Variants in LRRC4C observed in about 807,000 individuals in gnomAD.
The protein encoded by LRRC4C is leucine rich repeat containing 4C, also known as leucine-rich repeat-containing protein 4C.
Under a neutral mutation model 33.6 loss-of-function variants are expected in LRRC4C, and 5 were observed. The ratio of observed to expected loss-of-function variants is 0.15; its 90% CI spans 0.08 to 0.31. The LOEUF is 0.31. Ranked by LOEUF, LRRC4C falls within the 10% of genes least tolerant of loss-of-function variation. The probability of loss-of-function intolerance (pLI) is 1.00; values close to 1 mark genes in which losing one functional copy is unlikely to be tolerated. For missense variants in LRRC4C, 560 were observed against 796.7 expected (o/e 0.70, Z 3.58); for synonymous variants, 329 against 302.0 (o/e 1.09, Z -0.93).
chr11:41,387,087 T>A (rs1953389723), intron 1 of LRRC4C, among the ~76,000 whole-genome samples: 1 of 151,826 alleles, frequency 6.6e-6, no homozygotes, highest in African/African-American at 2.4e-5. Flanking sequence ...GTATAAAAGA[T>A]GTTATGACTA....
At chr11:41,231,526 A>G (rs1420499967) in intron 1 of LRRC4C, among the ~76,000 whole-genome samples, 4 of 149,178 alleles carry the variant, frequency 2.7e-5, no homozygotes, top group African/African-American at 9.9e-5. Flanking sequence ...ACAAAAAACC[A>G]AACACCGCAT....
chr11:40,502,071 T>C (rs1486275956), intron 3 of LRRC4C, among the ~76,000 whole-genome samples: 1 of 152,150 alleles, frequency 6.6e-6, no homozygotes, highest in East Asian at 1.9e-4. Context: ...ATGCTGCCAG[T>C]CTCCTTGCTA....
At chr11:41,326,851 C>T (rs1412187667) in intron 1 of LRRC4C, among the ~76,000 whole-genome samples, 2 of 152,180 alleles carry the variant, frequency 1.3e-5, no homozygotes, top group South Asian at 2.1e-4. Context: ...ATCTCAATAC[C>T]TATAACTCCC....
At chr11:41,111,313 T>C (rs764247098) in intron 1 of LRRC4C, among the ~76,000 whole-genome samples, 3 of 152,012 alleles carry the variant, frequency 2.0e-5, no homozygotes, top group Non-Finnish European at 2.9e-5. Context: ...ACCTGTCTCA[T>C]AAAGTTGTTG....
At chr11:41,387,731 G>A (rs1953417054) in intron 1 of LRRC4C, among the ~76,000 whole-genome samples, 1 of 151,682 alleles carries the variant, frequency 6.6e-6, no homozygotes. Flanking sequence ...CAATTTGCTA[G>A]ACAGTTTCCT....
intron 1 of LRRC4C, among the ~76,000 whole-genome samples, chr11:41,414,959 T>C (rs78244356): frequency 6.6e-6 from 1 of 152,218 alleles, no homozygotes; most frequent in East Asian, 1.9e-4. Flanking sequence ...AACACTAATA[T>C]AGCACCTTTC....
At chr11:40,359,983 A>G (rs1947874033) in intron 3 of LRRC4C, among the ~76,000 whole-genome samples, 1 of 152,172 alleles carries the variant, frequency 6.6e-6, no homozygotes, top group African/African-American at 2.4e-5. Context: ...TTAGAGTTTT[A>G]AAAACATTAA....
At chr11:41,327,121 T>A (rs1465672777) in intron 1 of LRRC4C, among the ~76,000 whole-genome samples, 1 of 152,222 alleles carries the variant, frequency 6.6e-6, no homozygotes, top group African/African-American at 2.4e-5. Context: ...GCTCATTAAA[T>A]CCCATTCTCT....
At chr11:41,403,010 C>A (rs570383080) in intron 1 of LRRC4C, among the ~76,000 whole-genome samples, 39 of 152,112 alleles carry the variant, frequency 2.6e-4, no homozygotes, top group African/African-American at 9.2e-4. Flanking sequence ...TCTTTTGCCC[C>A]TTAGTGTTCA....
intron 2 of LRRC4C, among the ~76,000 whole-genome samples, chr11:40,725,344 A>G (rs1947237574): frequency 6.6e-6 from 1 of 152,080 alleles, no homozygotes; most frequent in South Asian, 2.1e-4. Context: ...GTCTCTACTA[A>G]AAAATAAAAA....
chr11:41,209,969 TTC>T (rs140041665), intron 1 of LRRC4C, among the ~76,000 whole-genome samples: 4 of 151,498 alleles, frequency 2.6e-5, no homozygotes, highest in African/African-American at 4.8e-5. Context: ...ACACCAGATA[TTC>T]TCTCTCTCTC....
chr11:40,796,477 G>C (rs1300603910), intron 2 of LRRC4C, among the ~76,000 whole-genome samples: 1 of 152,084 alleles, frequency 6.6e-6, no homozygotes. Flanking sequence ...AAGACATAGA[G>C]TATTTGCTTG....
intron 3 of LRRC4C, among the ~76,000 whole-genome samples, chr11:40,453,983 A>G (rs1952018333): frequency 6.6e-6 from 1 of 152,172 alleles, no homozygotes; most frequent in Non-Finnish European, 1.5e-5. Flanking sequence ...AAAATAGTAT[A>G]GCTACAAACA....
chr11:41,402,887 T>G (rs1388766166), intron 1 of LRRC4C, among the ~76,000 whole-genome samples: 4 of 152,076 alleles, frequency 2.6e-5, no homozygotes, highest in Admixed American at 2.6e-4. Context: ...TACAGCATTT[T>G]AAATATGAAT....
chr11:40,880,879 A>ATATG (rs386373675), intron 2 of LRRC4C, among the ~76,000 whole-genome samples: 2 of 150,414 alleles, frequency 1.3e-5, no homozygotes, highest in East Asian at 2.0e-4. Flanking sequence ...ATATATATAT[A>ATATG]TATGTATACA....
At chr11:40,605,845 G>A (rs1960526624) in intron 3 of LRRC4C, among the ~76,000 whole-genome samples, 4 of 152,172 alleles carry the variant, frequency 2.6e-5, no homozygotes, top group Admixed American at 2.6e-4. Flanking sequence ...CCAACTCCCA[G>A]ATGCTTTCAT....
intron 2 of LRRC4C, among the ~76,000 whole-genome samples, chr11:40,686,346 A>C (rs1162603428): frequency 6.6e-6 from 1 of 152,148 alleles, no homozygotes; most frequent in East Asian, 1.9e-4. Flanking sequence ...GTGTGTGCTA[A>C]CTGAGTAAAA....
At chr11:40,995,220 A>T (rs1853884232) in intron 1 of LRRC4C, among the ~76,000 whole-genome samples, 1 of 152,112 alleles carries the variant, frequency 6.6e-6, no homozygotes, top group Non-Finnish European at 1.5e-5. Context: ...ATGTTTCTAA[A>T]AAATAAACCA....
intron 2 of LRRC4C, among the ~76,000 whole-genome samples, chr11:40,762,302 G>A (rs1057139136): frequency 6.6e-6 from 1 of 152,132 alleles, no homozygotes; most frequent in Non-Finnish European, 1.5e-5. Flanking sequence ...TCTAACTGTA[G>A]TTTAGTCACT....
Sources: gnomAD v4.1 joint callset for allele counts (sites outside exome capture counted in the v4.1 genomes callset) on GRCh38, gnomAD v4.1.1 for gene constraint, MANE v1.5 for transcripts, NCBI Gene and HGNC (gene_info 2026-07-23, HGNC 2026-07-21) for gene names.